Variants in CEP89 observed in about 807,000 individuals in gnomAD.
CEP89 encodes the protein centrosomal protein of 89 kDa.
In CEP89, 95 loss-of-function variants were observed where a neutral mutation model predicts 97.6. The observed-to-expected ratio is 0.97, with a 90% CI of 0.82 to 1.15. The LOEUF (loss-of-function observed/expected upper bound fraction) is 1.15, where lower values mean the gene tolerates loss of function less well. Among genes scored for constraint, CEP89 ranks in the 50% most tolerant of loss-of-function variants. The pLI is 0.00. For missense variants in CEP89, 869 were observed against 947.7 expected (o/e 0.92, Z 1.09); for synonymous variants, 354 against 349.1 (o/e 1.01, Z -0.16).
intron 6 of CEP89, among the ~76,000 whole-genome samples, chr19:32,938,765 C>T (rs975716845): frequency 2.0e-5 from 3 of 152,066 alleles, no homozygotes; most frequent in African/African-American, 7.2e-5. Flanking sequence ...GACTGGCCAA[C>T]ATGGTGAAAT....
intron 9 of CEP89, 113 bp from the exon 10 acceptor site, chr19:32,927,097 T>A: frequency 1.0e-6 from 1 of 955,208 alleles, no homozygotes; most frequent in Non-Finnish European, 1.6e-6. Context: ...TTTATCTGTC[T>A]ATCCATCTGC....
At position 32,889,395 on chromosome 19, in the gene CEP89, T is replaced by A. The variant is rs532346301; in HGVS notation, c.1876-1554A>T. On this transcript the variant is annotated intron_variant, in intron 16 of 18. Transcript: ENST00000305768. ...TGGAGCCAGGATGGAAGAAAGCAGC[T>A]CTCCCACACCCTACATTTCCGCTTT... Among the ~76,000 whole-genome samples, 19 of 152,098 alleles carry A rather than the reference T, an allele frequency of 1.2e-4. No homozygotes were observed. The East Asian group carries it at 3.1e-3, about 25-fold the overall frequency.
At chr19:32,884,034 G>A (rs11084679) in intron 17 of CEP89, among the ~76,000 whole-genome samples, 49,966 of 151,780 alleles carry the variant, frequency 0.33, 8,552 homozygotes, top group African/African-American at 0.37. Context: ...TGCAGTGGCT[G>A]TTAACAGACC....
intron 17 of CEP89, among the ~76,000 whole-genome samples, chr19:32,886,700 G>A (rs1177569342): frequency 2.0e-5 from 3 of 151,846 alleles, no homozygotes; most frequent in Non-Finnish European, 4.4e-5. Flanking sequence ...CTACTCCGAG[G>A]ATCACTCCTT....
At position 32,960,044 on chromosome 19, in the gene CEP89, G is replaced by A. The variant is rs770574825; in HGVS notation, c.161C>T (p.Ala54Val). 5.6e-6 allele frequency: 9 copies of A among 1,614,206 alleles called. No individual in the cohort carries two copies. The highest frequency in any genetic ancestry group is 1.1e-5 in the South Asian group (1 of 91,084). The change falls in exon 3 of 19, where the codon GCA (alanine) becomes GTA (valine). Residue 54 changes from alanine to valine, a missense_variant. Transcript: ENST00000305768. ...SPERPRSALAAAILATTLTGR... is the reference protein window; with the variant it reads ...SPERPRSALAVAILATTLTGR... Reference sequence around the variant, plus strand: ...AGTCAATGTTGTCGCCAGAATGGCTGCTGCCAGAGCAGATCTGCGGACAAA... The same window carrying A: ...AGTCAATGTTGTCGCCAGAATGGCTACTGCCAGAGCAGATCTGCGGACAAA...
chr19:32,962,043 C>T (rs1220627021), intron 2 of CEP89, among the ~76,000 whole-genome samples: 1 of 132,778 alleles, frequency 7.5e-6, no homozygotes, highest in Non-Finnish European at 1.6e-5. Context: ...ATCAAATTTC[C>T]ATATGCAAAA....
intron 3 of CEP89, among the ~76,000 whole-genome samples, chr19:32,955,819 A>G (rs988038342): frequency 6.6e-6 from 1 of 151,924 alleles, no homozygotes; most frequent in Non-Finnish European, 1.5e-5. Context: ...CGGCCCATAC[A>G]GTAAATTCTT....
intron 14 of CEP89, among the ~76,000 whole-genome samples, chr19:32,914,261 C>G (rs1237885265): frequency 6.6e-6 from 1 of 152,004 alleles, no homozygotes. Context: ...TACTGGATAT[C>G]TAGGTTTCCA....
intron 1 of CEP89, chr19:32,971,335 C>A (rs1230477541): frequency 7.0e-6 from 3 of 426,636 alleles, no homozygotes; most frequent in Non-Finnish European, 1.2e-5. Context: ...GGGACGAATG[C>A]TACAGGGGAG....
At position 32,926,273 on chromosome 19, in the gene CEP89, A is replaced by G; in HGVS notation, c.1081T>C (p.Leu361=). The G allele has an allele frequency of 6.2e-7, 1 of 1,604,326 alleles. No individual in the cohort carries two copies. Among genetic ancestry groups the G allele is most frequent in the Non-Finnish European group, 8.5e-7 (1 of 1,171,570 alleles). Residue 361 remains leucine, a splice_region_variant and synonymous_variant, in exon 11 of 19, where the codon TTG becomes CTG. Transcript: ENST00000305768. The stretch of plus-strand genomic sequence containing the variant: ...AATGGTGACAGGTACTTTATATCCA[A>G]CTGAAGATAGAGAGTAAAGGAAGGT... The part of the protein sequence containing the change: ...PSKGPIPPWL[L]DIKYLSPLLL...
chr19:32,931,166 A>C, intron 9 of CEP89: 1 of 419,312 alleles, frequency 2.4e-6, no homozygotes. Flanking sequence ...CTGGGATTAT[A>C]GGCACAAGCC....
chr19:32,943,328 A>G (rs994010834), intron 5 of CEP89, among the ~76,000 whole-genome samples: 4 of 152,168 alleles, frequency 2.6e-5, no homozygotes, highest in African/African-American at 9.7e-5. Context: ...GAAAATTCAC[A>G]TGACATGAAC....
At position 32,915,336 on chromosome 19, in the gene CEP89, C is replaced by T. The variant is rs755564165; in HGVS notation, c.1565+1G>A. The T allele has an allele frequency of 1.9e-6, 3 of 1,577,966 alleles. No homozygotes were observed. The highest frequency in any genetic ancestry group is 3.9e-5 in the Admixed American group (2 of 51,124). On this transcript the variant is annotated splice_donor_variant, in intron 14 of 18. Coordinates refer to ENST00000305768, the MANE Select transcript of CEP89 (RefSeq NM_032816.5). LOFTEE classifies it high-confidence loss of function. ...AAAAAGAAAAAACATTAAATCCTTA[C>T]CTTTTTAATTCATTCACAATTGATT...
At chr19:32,939,269 A>G (rs1227525322) in intron 6 of CEP89, among the ~76,000 whole-genome samples, 1 of 152,064 alleles carries the variant, frequency 6.6e-6, no homozygotes, top group Admixed American at 6.6e-5. Context: ...ATTTTAACAA[A>G]AGATAAAATT....
At chr19:32,913,091 T>TA (rs1012370238) in intron 14 of CEP89, among the ~76,000 whole-genome samples, 1 of 147,610 alleles carries the variant, frequency 6.8e-6, no homozygotes, top group Non-Finnish European at 1.5e-5. Context: ...TATATAATAA[T>TA]AAAAAATATA....
intron 11 of CEP89, among the ~76,000 whole-genome samples, chr19:32,924,600 C>T (rs1568562914): frequency 2.0e-5 from 3 of 152,136 alleles, no homozygotes; most frequent in South Asian, 2.1e-4. Context: ...TTTATGCCTA[C>T]ACCCTTTTAA....
chr19:32,971,707 C>A (rs1466440963), intron 1 of CEP89, 129 bp downstream of exon 1: 1 of 895,780 alleles, frequency 1.1e-6, no homozygotes, highest in Admixed American at 2.4e-5. Flanking sequence ...GCTTCCTCAA[C>A]TGAAAACCAC....
chr19:32,912,147 G>A (rs1427800063), intron 14 of CEP89, among the ~76,000 whole-genome samples: 2 of 150,606 alleles, frequency 1.3e-5, no homozygotes, highest in Non-Finnish European at 2.9e-5. Flanking sequence ...AGGCTGCAGT[G>A]AGCCAAGATC....
intron 5 of CEP89, among the ~76,000 whole-genome samples, chr19:32,947,483 T>C (rs910505692): frequency 6.6e-6 from 1 of 152,100 alleles, no homozygotes; most frequent in East Asian, 1.9e-4. Context: ...AGCAATTGAC[T>C]GCAGAATAAC....
Sources: allele counts gnomAD v4.1 joint callset (sites outside exome capture counted in the v4.1 genomes callset), GRCh38; gene constraint gnomAD v4.1.1; transcripts MANE v1.5; gene names NCBI Gene and HGNC (gene_info 2026-07-23, HGNC 2026-07-21).